NRXN3: variants seen among roughly 807,000 people sequenced by gnomAD.
The protein encoded by NRXN3 is neurexin III.
A neutral mutation model predicts 137.6 loss-of-function variants in NRXN3; 32 were observed. The observed-to-expected ratio is 0.23, with a 90% CI of 0.18 to 0.31. NRXN3 has a LOEUF of 0.31. NRXN3 is among the 10% of genes least tolerant of loss of function. The probability of loss-of-function intolerance (pLI) is 1.00; values close to 1 mark genes in which losing one functional copy is unlikely to be tolerated. For missense variants in NRXN3, 1,574 were observed against 2,062.5 expected (o/e 0.76, Z 4.59); for synonymous variants, 798 against 784.5 (o/e 1.02, Z -0.29).
At chr14:79,210,443 T>C (rs1191420599) in intron 15 of NRXN3, among the ~76,000 whole-genome samples, 1 of 152,152 alleles carries the variant, frequency 6.6e-6, no homozygotes, top group African/African-American at 2.4e-5. Context: ...TTGGGATCTA[T>C]TATATGTTCT....
intron 4 of NRXN3, among the ~76,000 whole-genome samples, chr14:78,494,726 A>G (rs569003668): frequency 1.3e-5 from 2 of 152,322 alleles, no homozygotes; most frequent in East Asian, 1.9e-4. Flanking sequence ...ATATGTATTT[A>G]TTATGAAGTA....
intron 19 of NRXN3, among the ~76,000 whole-genome samples, chr14:79,773,035 C>T (rs1247105035): frequency 2.6e-5 from 4 of 151,998 alleles, no homozygotes; most frequent in African/African-American, 7.2e-5. Flanking sequence ...AAATGCTCAC[C>T]ATCACTGGCC....
intron 20 of NRXN3, among the ~76,000 whole-genome samples, chr14:79,860,860 G>C (rs903317605): frequency 5.3e-5 from 8 of 152,084 alleles, no homozygotes; most frequent in African/African-American, 1.9e-4. Flanking sequence ...GGGATTTCAG[G>C]TTTGGGTGGC....
intron 8 of NRXN3, among the ~76,000 whole-genome samples, chr14:78,734,248 C>CAA (rs2098531090): frequency 6.8e-6 from 1 of 146,500 alleles, no homozygotes; most frequent in Non-Finnish European, 1.5e-5. Context: ...CACACACACA[C>CAA]ACACACCCTT....
chr14:78,266,883 A>G (rs1004387755), intron 2 of NRXN3, among the ~76,000 whole-genome samples: 1 of 152,178 alleles, frequency 6.6e-6, no homozygotes, highest in African/African-American at 2.4e-5. Context: ...GCTTAGAAGT[A>G]AGAGAGTCTT....
chr14:78,650,497 T>A (rs576680048), intron 5 of NRXN3, among the ~76,000 whole-genome samples: 2 of 152,034 alleles, frequency 1.3e-5, no homozygotes, highest in African/African-American at 4.8e-5. Context: ...TTGGTTTGGG[T>A]CATTTCTTCT....
intron 15 of NRXN3, among the ~76,000 whole-genome samples, chr14:79,320,297 T>C (rs887225984): frequency 2.6e-5 from 4 of 152,246 alleles, no homozygotes; most frequent in African/African-American, 9.6e-5. Flanking sequence ...CAGGAAATGC[T>C]ATCAGTAGAC....
intron 15 of NRXN3, among the ~76,000 whole-genome samples, chr14:79,144,660 G>A (rs759466533): frequency 3.9e-5 from 6 of 152,082 alleles, no homozygotes; most frequent in African/African-American, 7.2e-5. Flanking sequence ...TGAAATGGTC[G>A]CCTCTCATGC....
At chr14:78,468,676 G>A (rs2095184575) in intron 4 of NRXN3, among the ~76,000 whole-genome samples, 1 of 152,210 alleles carries the variant, frequency 6.6e-6, no homozygotes, top group African/African-American at 2.4e-5. Flanking sequence ...GATGAGAGAA[G>A]CTACAAACTC....
chr14:78,730,556 C>T (rs923362709), intron 8 of NRXN3, among the ~76,000 whole-genome samples: 2 of 152,122 alleles, frequency 1.3e-5, no homozygotes, highest in Admixed American at 6.5e-5. Flanking sequence ...TGACTTGACT[C>T]AGGGCTGTTA....
chr14:79,056,393 AT>A (rs138016075), intron 15 of NRXN3, among the ~76,000 whole-genome samples: 56,681 of 151,076 alleles, frequency 0.38, 11,062 homozygotes, highest in Admixed American at 0.48. Context: ...GTATCCGTGC[AT>A]TTTTTTTTTC....
chr14:78,175,378 C>T (rs1171159908), intron 1 of NRXN3, among the ~76,000 whole-genome samples: 1 of 152,096 alleles, frequency 6.6e-6, no homozygotes, highest in African/African-American at 2.4e-5. Flanking sequence ...AGAGATTGTT[C>T]TTGGTATCCC....
intron 4 of NRXN3, among the ~76,000 whole-genome samples, chr14:78,454,964 G>T (rs1368354446): frequency 1.3e-5 from 2 of 152,174 alleles, no homozygotes; most frequent in Middle Eastern, 3.2e-3. Context: ...TTGTCCAGGG[G>T]CATAGCCATG....
chr14:79,270,652 T>G (rs1206146589), intron 15 of NRXN3, among the ~76,000 whole-genome samples: 1 of 152,132 alleles, frequency 6.6e-6, no homozygotes, highest in Non-Finnish European at 1.5e-5. Flanking sequence ...TAACAGAATG[T>G]GGCAAGTGTG....
intron 16 of NRXN3, among the ~76,000 whole-genome samples, chr14:79,589,493 A>G (rs1000246739): frequency 1.3e-5 from 2 of 150,312 alleles, no homozygotes; most frequent in Non-Finnish European, 3.0e-5. Context: ...TTTTAGAAAT[A>G]AAGTTAGAAA....
At chr14:78,298,724 A>C (rs1007726389) in intron 4 of NRXN3, among the ~76,000 whole-genome samples, 1 of 152,224 alleles carries the variant, frequency 6.6e-6, no homozygotes, top group East Asian at 1.9e-4. Flanking sequence ...AGATTGGTCT[A>C]CCTGCCTTGC....
intron 16 of NRXN3, among the ~76,000 whole-genome samples, chr14:79,488,194 T>C (rs896527457): frequency 6.6e-6 from 1 of 152,162 alleles, no homozygotes; most frequent in African/African-American, 2.4e-5. Flanking sequence ...TGGACATTGA[T>C]TGGCAATTGG....
At chr14:79,031,446 T>A (rs969042938) in intron 15 of NRXN3, among the ~76,000 whole-genome samples, 3 of 152,122 alleles carry the variant, frequency 2.0e-5, no homozygotes, top group Non-Finnish European at 4.4e-5. Flanking sequence ...TAGGTAATGT[T>A]TGGGAATAAG....
At chr14:79,436,928 C>T (rs188403599) in intron 15 of NRXN3, among the ~76,000 whole-genome samples, 1 of 152,328 alleles carries the variant, frequency 6.6e-6, no homozygotes, top group East Asian at 1.9e-4. Context: ...CTCTCCTGGA[C>T]CACCTTGTCC....
Sources: gnomAD v4.1 joint callset for allele counts (sites outside exome capture counted in the v4.1 genomes callset) on GRCh38, gnomAD v4.1.1 for gene constraint, MANE v1.5 for transcripts, NCBI Gene and HGNC (gene_info 2026-07-23, HGNC 2026-07-21) for gene names.